The following ARHGEF9 variants were observed in gnomAD, a reference collection of about 807,000 sequenced individuals.
ARHGEF9 encodes rho guanine nucleotide exchange factor 9.
Under a neutral mutation model 41.3 loss-of-function variants are expected in ARHGEF9, and 2 were observed. The ratio of observed to expected loss-of-function variants is 0.05; its 90% CI spans 0.02 to 0.15. The LOEUF is 0.15. ARHGEF9 is among the 10% of genes least tolerant of loss of function. The probability of loss-of-function intolerance (pLI) is 1.00; values close to 1 mark genes in which losing one functional copy is unlikely to be tolerated. For synonymous variants in ARHGEF9, 160 were observed against 154.4 expected (o/e 1.04, Z -0.27); for missense variants, 225 against 424.7 (o/e 0.53, Z 4.13).
chrX:63,780,674 A>T lies in ARHGEF9; in HGVS notation c.30+4442T>A, dbSNP rs190623890. Among the ~76,000 whole-genome samples, 321 of 112,275 alleles carry T rather than the reference A, an allele frequency of 2.9e-3. 1 individual carries two copies. The highest frequency in any genetic ancestry group is 4.7e-3 in the Middle Eastern group (1 of 215). Reference sequence around the variant, plus strand: ...CTTTGGTTGGTCAAAGTTTAAAACAATTGTGGTTACTTTTAATAATATATA... The same window carrying T: ...CTTTGGTTGGTCAAAGTTTAAAACATTTGTGGTTACTTTTAATAATATATA... On this transcript the variant is annotated intron_variant, in intron 1 of 9. Coordinates refer to ENST00000671741, the MANE Select transcript of ARHGEF9 (RefSeq NM_001353921.2).
chrX:63,706,406 T>A lies in ARHGEF9; in HGVS notation c.254A>T (p.Asp85Val), dbSNP rs377326713. 4 of 1,205,515 alleles carry A rather than the reference T, an allele frequency of 3.3e-6. No homozygotes were observed. The highest frequency in any genetic ancestry group is 4.5e-6 in the Non-Finnish European group (4 of 893,420). Residue 85 changes from aspartate to valine, a missense_variant, in exon 3 of 10, where the codon GAT becomes GTT. This residue lies in a region of ARHGEF9 where 114 missense variants were observed against 197.9 expected (regional missense o/e 0.58). Coordinates refer to ENST00000671741, the MANE Select transcript of ARHGEF9 (RefSeq NM_001353921.2). ...QEDEVEEGPS[D>V]VQNGHLDPNS... ...GGGGTCCAGGTGTCCGTTCTGCACA[T>A]CGCTGGGCCCCTCCTCCACCTCATC...
At chrX:63,743,159 T>C (rs1320644309) in intron 1 of ARHGEF9, among the ~76,000 whole-genome samples, 2 of 111,481 alleles carry the variant, frequency 1.8e-5, no homozygotes, top group Admixed American at 9.6e-5. Context: ...GCTGAGATTG[T>C]ACCACTGCAC....
At chrX:63,648,718 G>C (rs1314586313) in intron 8 of ARHGEF9, among the ~76,000 whole-genome samples, 2 of 111,096 alleles carry the variant, frequency 1.8e-5, no homozygotes, top group Non-Finnish European at 3.8e-5. Flanking sequence ...CTCACATGCA[G>C]AGACACACAT....
intron 3 of ARHGEF9, among the ~76,000 whole-genome samples, chrX:63,705,357 ATGTGTG>A (rs58549005): frequency 0.034 from 2,779 of 81,999 alleles, 76 homozygotes; most frequent in African/African-American, 0.084. Context: ...ATAAGAGAGA[ATGTGTG>A]TGTGTGTGTG....
intron 1 of ARHGEF9, among the ~76,000 whole-genome samples, chrX:63,765,981 C>T (rs1978312136): frequency 8.9e-6 from 1 of 112,208 alleles, no homozygotes; most frequent in Admixed American, 9.4e-5. Context: ...GGAAATGCAG[C>T]AGGAAATAGG....
intron 1 of ARHGEF9, among the ~76,000 whole-genome samples, chrX:63,761,768 T>C (rs782191982): frequency 7.2e-5 from 8 of 111,735 alleles, no homozygotes; most frequent in Admixed American, 4.7e-4. Flanking sequence ...AATGACTGAA[T>C]AAATACCTGA....
chrX:63,674,246 A>C, intron 5 of ARHGEF9, 79 bp from the exon 6 acceptor site: 1 of 1,039,906 alleles, frequency 9.6e-7, no homozygotes, highest in Non-Finnish European at 1.3e-6. Flanking sequence ...CTTAACATCC[A>C]CTCTCCTCTA....
chrX:63,781,516 T>C, intron 1 of ARHGEF9, among the ~76,000 whole-genome samples: 1 of 111,639 alleles, frequency 9.0e-6, no homozygotes. Context: ...CTAGCCCCAC[T>C]CTTAGCGATC....
chrX:63,751,450 G>A (rs1556440829), intron 1 of ARHGEF9, among the ~76,000 whole-genome samples: 1 of 111,941 alleles, frequency 8.9e-6, no homozygotes, highest in Non-Finnish European at 1.9e-5. Context: ...CAAGTCTGAA[G>A]CAGAAATGCC....
intron 6 of ARHGEF9, among the ~76,000 whole-genome samples, chrX:63,670,536 G>GAA (rs782349351): frequency 1.0e-5 from 1 of 100,231 alleles, no homozygotes; most frequent in Non-Finnish European, 2.0e-5. Context: ...CAAATCTCCA[G>GAA]AAAAAAAAAA....
intron 1 of ARHGEF9, among the ~76,000 whole-genome samples, chrX:63,756,672 G>T (rs1292762870): frequency 2.7e-5 from 3 of 112,108 alleles, no homozygotes; most frequent in Non-Finnish European, 5.6e-5. Flanking sequence ...AAATGTACTG[G>T]CCTGTAATGT....
chrX:63,779,636 C>G (rs781804410), intron 1 of ARHGEF9, among the ~76,000 whole-genome samples: 1 of 111,817 alleles, frequency 8.9e-6, no homozygotes, highest in East Asian at 2.8e-4. Context: ...CACAAAAAGA[C>G]TGTCACTAGA....
intron 7 of ARHGEF9, among the ~76,000 whole-genome samples, chrX:63,661,203 C>T (rs1458800164): frequency 8.9e-6 from 1 of 112,276 alleles, no homozygotes; most frequent in African/African-American, 3.2e-5. Context: ...AATAGCTCAT[C>T]CTCCAAGTCT....
intron 5 of ARHGEF9, among the ~76,000 whole-genome samples, chrX:63,675,798 T>G (rs1332849528): frequency 9.0e-6 from 1 of 111,365 alleles, no homozygotes; most frequent in Non-Finnish European, 1.9e-5. Flanking sequence ...CTTTTCTGAT[T>G]TGCAATCAAA....
chrX:63,755,269 G>T (rs2055892022), intron 1 of ARHGEF9: 12 of 925,504 alleles, frequency 1.3e-5, no homozygotes, highest in Non-Finnish European at 1.6e-5. Context: ...GACTTGCGCT[G>T]GCGTGCTAGC....
intron 2 of ARHGEF9, among the ~76,000 whole-genome samples, chrX:63,720,719 C>T (rs1317222179): frequency 4.5e-5 from 5 of 112,016 alleles, no homozygotes; most frequent in Admixed American, 9.5e-5. Context: ...ATTTATACAA[C>T]GTGGAGGTAG....
At chrX:63,735,664 A>G (rs1209727034) in intron 1 of ARHGEF9, among the ~76,000 whole-genome samples, 4 of 111,441 alleles carry the variant, frequency 3.6e-5, no homozygotes, top group African/African-American at 9.8e-5. Context: ...ACCTGCTCCT[A>G]TATCTAGAGA....
intron 5 of ARHGEF9, among the ~76,000 whole-genome samples, chrX:63,675,838 A>G (rs1174118443): frequency 9.0e-6 from 1 of 111,600 alleles, no homozygotes; most frequent in Non-Finnish European, 1.9e-5. Flanking sequence ...ATTGATAGTG[A>G]GATCTCAGCC....
intron 1 of ARHGEF9, among the ~76,000 whole-genome samples, chrX:63,740,005 G>A (rs2054853320): frequency 9.0e-6 from 1 of 111,490 alleles, no homozygotes; most frequent in Non-Finnish European, 1.9e-5. Flanking sequence ...AGATAAAATG[G>A]CCATGAGCAC....
Sources: gnomAD v4.1 joint callset for allele counts (sites outside exome capture counted in the v4.1 genomes callset) on GRCh38, gnomAD v4.1.1 for gene constraint, gnomAD v4.1.1 regional missense constraint, MANE v1.5 for transcripts, NCBI Gene and HGNC (gene_info 2026-07-23, HGNC 2026-07-21) for gene names.